The following CREB5 variants were observed in gnomAD, a reference collection of about 807,000 sequenced individuals.
The protein encoded by CREB5 is cAMP responsive element binding protein 5.
Under a neutral mutation model 57.1 loss-of-function variants are expected in CREB5, and 19 were observed. That is an observed-to-expected ratio of 0.33 (90% CI 0.23 to 0.49). The LOEUF (loss-of-function observed/expected upper bound fraction) is 0.49. Among genes scored for constraint, CREB5 ranks in the 20% least tolerant of loss-of-function variants. The pLI is 0.99. For synonymous variants in CREB5, 238 were observed against 238.3 expected (o/e 1.00, Z 0.01); for missense variants, 579 against 671.6 (o/e 0.86, Z 1.52).
At chr7:28,538,367 C>G (rs569169311) in intron 4 of CREB5, among the ~76,000 whole-genome samples, 5 of 152,248 alleles carry the variant, frequency 3.3e-5, no homozygotes, top group Admixed American at 2.6e-4. Flanking sequence ...TACTCCATTT[C>G]AACTAGACAC....
chr7:28,657,106 T>G (rs1799361280), intron 5 of CREB5, among the ~76,000 whole-genome samples: 1 of 152,172 alleles, frequency 6.6e-6, no homozygotes. Context: ...AAAATACACC[T>G]GTCCATCTGC....
rs184001931 is a variant in CREB5 at position 28,759,492 on chromosome 7, G to A, written c.702+35160G>A. Among the ~76,000 whole-genome samples, 8 of 152,318 alleles carry A rather than the reference G, an allele frequency of 5.3e-5. No homozygotes were observed. In the East Asian group the frequency reaches 1.3e-3, roughly 26 times the overall value. Reference sequence around the variant, plus strand: ...TCTTTGTGGGTTTTACAGTAGATATGTGCAGTCTACCAGAAATTATAGATG... The same window carrying A: ...TCTTTGTGGGTTTTACAGTAGATATATGCAGTCTACCAGAAATTATAGATG... On this transcript the variant is annotated intron_variant, in intron 7 of 10. Transcript: ENST00000357727.
At chr7:28,620,992 T>G (rs1797770998) in intron 5 of CREB5, among the ~76,000 whole-genome samples, 1 of 152,170 alleles carries the variant, frequency 6.6e-6, no homozygotes, top group Non-Finnish European at 1.5e-5. Flanking sequence ...CAAAAAGTTA[T>G]GTTAAATCTC....
chr7:28,377,109 G>T (rs566143155), intron 1 of CREB5, among the ~76,000 whole-genome samples: 1 of 152,236 alleles, frequency 6.6e-6, no homozygotes, highest in Non-Finnish European at 1.5e-5. Flanking sequence ...TCTACAAGGG[G>T]TCTTCTTTCA....
At chr7:28,811,084 C>T (rs946403735) in intron 9 of CREB5, among the ~76,000 whole-genome samples, 4 of 152,270 alleles carry the variant, frequency 2.6e-5, no homozygotes, top group African/African-American at 4.8e-5. Flanking sequence ...CTACTCCCTC[C>T]GCCCACTATC....
At chr7:28,753,761 T>A (rs1583671589) in intron 7 of CREB5, among the ~76,000 whole-genome samples, 1 of 152,294 alleles carries the variant, frequency 6.6e-6, no homozygotes, top group South Asian at 2.1e-4. Flanking sequence ...ATGATTAAAA[T>A]TTTTAAAATT....
Position 28,362,771 on chromosome 7 carries a change from G to T in CREB5, c.-25+63330G>T, listed in dbSNP as rs141917634. Among the ~76,000 whole-genome samples, 321 of 152,164 alleles carry T rather than the reference G, an allele frequency of 2.1e-3. 3 individuals carry two copies. The highest frequency in any genetic ancestry group is 1.7e-3 in the Non-Finnish European group (114 of 68,012). On this transcript the variant is annotated intron_variant, in intron 1 of 9. Coordinates refer to the CREB5 transcript ENST00000396299. ...GTAGAGGTACACACACATGAAAATC[G>T]GAAAAACAAGCTTAGCAAATATTTT...
intron 7 of CREB5, among the ~76,000 whole-genome samples, chr7:28,797,741 AGTT>A (rs1323898724): frequency 6.6e-6 from 1 of 152,198 alleles, no homozygotes; most frequent in Non-Finnish European, 1.5e-5. Flanking sequence ...GGCCATTTAC[AGTT>A]GTTAAATTCA....
At position 28,538,045 on chromosome 7, in the gene CREB5, C is replaced by CGTTTT. The variant is rs70977056; in HGVS notation, c.291+30319_291+30323dup. Among the ~76,000 whole-genome samples the CGTTTT allele has an allele frequency of 9.2e-3, 1,393 of 151,754 alleles. 27 individuals are homozygous for CGTTTT. Among genetic ancestry groups the CGTTTT allele is most frequent in the African/African-American group, 0.032 (1,311 of 41,378 alleles). ...TGGTTTTTGTTGTTGTTGTTGTTAT[C>CGTTTT]GTTTTGTTTTGTTTTTATTTTTGTT... On this transcript the variant is annotated intron_variant, in intron 4 of 10. Coordinates refer to ENST00000357727, the MANE Select transcript of CREB5 (RefSeq NM_182898.4).
At chr7:28,736,747 C>A (rs57070001) in intron 7 of CREB5, among the ~76,000 whole-genome samples, 1 of 151,562 alleles carries the variant, frequency 6.6e-6, no homozygotes, top group Non-Finnish European at 1.5e-5. Flanking sequence ...GAGGTGTGGA[C>A]GCATGGAAGC....
intron 5 of CREB5, among the ~76,000 whole-genome samples, chr7:28,635,624 A>G (rs935012532): frequency 2.0e-4 from 30 of 152,286 alleles, no homozygotes; most frequent in South Asian, 2.1e-4. Flanking sequence ...AGTCAACACT[A>G]TTCTTTCTTC....
At chr7:28,471,024 AT>A (rs1790783536) in intron 1 of CREB5, among the ~76,000 whole-genome samples, 1 of 151,896 alleles carries the variant, frequency 6.6e-6, no homozygotes, top group South Asian at 2.1e-4. Context: ...CTATCCTTGG[AT>A]TGTCTTTTCA....
At chr7:28,791,293 T>G (rs930422217) in intron 7 of CREB5, among the ~76,000 whole-genome samples, 1 of 152,260 alleles carries the variant, frequency 6.6e-6, no homozygotes, top group East Asian at 1.9e-4. Context: ...ATGTACGTTT[T>G]CTACCTTCAG....
In CREB5 at chr7:28,614,607, G is replaced by A. The variant is rs75811946; in HGVS notation, c.464+44070G>A. ...GCACTTCCAAAAACCTCTTACTTTC[G>A]TGTGAAATTCTTTCCTAGCTTCCAG... is the stretch of plus-strand genomic sequence containing the variant. On this transcript the variant is annotated intron_variant, in intron 5 of 10. Transcript: ENST00000357727. Among the ~76,000 whole-genome samples the A allele has an allele frequency of 4.9e-3, 744 of 152,136 alleles. 6 individuals are homozygous for A. Among genetic ancestry groups the A allele is most frequent in the Non-Finnish European group, 7.1e-3 (480 of 67,996 alleles).
intron 5 of CREB5, among the ~76,000 whole-genome samples, chr7:28,638,264 GACAC>G (rs56956362): frequency 4.7e-4 from 68 of 145,792 alleles, no homozygotes; most frequent in South Asian, 1.8e-3. Flanking sequence ...AAAGAAACTA[GACAC>G]ACACACACAC....
intron 7 of CREB5, among the ~76,000 whole-genome samples, chr7:28,751,288 A>G (rs1804962387): frequency 6.6e-6 from 1 of 152,200 alleles, no homozygotes; most frequent in Admixed American, 6.5e-5. Flanking sequence ...GCATTCAAAG[A>G]AGGCCACAGC....
At chr7:28,448,372 G>C (rs1789600678) in intron 1 of CREB5, among the ~76,000 whole-genome samples, 1 of 152,198 alleles carries the variant, frequency 6.6e-6, no homozygotes, top group Non-Finnish European at 1.5e-5. Context: ...CACAGTGTAT[G>C]TATGGTTTTA....
Position 28,822,822 on chromosome 7 carries a change from A to T in CREB5, c.*3543A>T, listed in dbSNP as rs1297607864. ...GGATGAATGTACTAATTTGAAAGCC[A>T]AGTGTTAAGTCGGATGTTTTCCCGT... On this transcript the variant is annotated 3_prime_UTR_variant, in exon 11 of 11. Transcript: ENST00000357727. 2 of 152,468 alleles carry T rather than the reference A, an allele frequency of 1.3e-5. No homozygotes were observed. The highest frequency in any genetic ancestry group is 2.9e-5 in the Non-Finnish European group (2 of 68,048). 9.4% of individuals were successfully genotyped at this position (152,468 alleles called of 1,614,324 possible).
intron 4 of CREB5, among the ~76,000 whole-genome samples, chr7:28,529,368 A>G (rs1186498500): frequency 6.6e-6 from 1 of 152,198 alleles, no homozygotes; most frequent in African/African-American, 2.4e-5. Context: ...GGCAGGCAGA[A>G]AAGGATGGGC....
Sources: gnomAD v4.1 joint callset for allele counts (sites outside exome capture counted in the v4.1 genomes callset) on GRCh38, gnomAD v4.1.1 for gene constraint, MANE v1.5 for transcripts, NCBI Gene and HGNC (gene_info 2026-07-23, HGNC 2026-07-21) for gene names.